Variants in MEIKIN observed in about 807,000 individuals in gnomAD.
The protein encoded by MEIKIN is meiotic kinetochore factor.
At chr5:131,825,821 G>A (rs960788012) in intron 11 of MEIKIN, among the ~76,000 whole-genome samples, 1 of 152,194 alleles carries the variant, frequency 6.6e-6, no homozygotes, top group African/African-American at 2.4e-5. Context: ...CAAGCCTGCT[G>A]AGTTAACCCT....
intron 11 of MEIKIN, among the ~76,000 whole-genome samples, chr5:131,835,261 G>GA (rs1324448396): frequency 6.7e-6 from 1 of 149,152 alleles, no homozygotes; most frequent in East Asian, 1.9e-4. Flanking sequence ...TATGATATAT[G>GA]ATATCAACTC....
At chr5:131,844,741 C>T (rs1055258836) in intron 11 of MEIKIN, among the ~76,000 whole-genome samples, 1 of 152,158 alleles carries the variant, frequency 6.6e-6, no homozygotes, top group Admixed American at 6.5e-5. Context: ...GAAGATTTAA[C>T]AAGCAAGAAC....
In MEIKIN at chr5:131,932,480, C is replaced by G. The variant is rs77832261; in HGVS notation, c.478+1033G>C. Among the ~76,000 whole-genome samples the G allele has an allele frequency of 4.7e-3, 717 of 152,182 alleles. 8 individuals carry two copies. Among genetic ancestry groups the G allele is most frequent in the African/African-American group, 0.016 (681 of 41,528 alleles). On this transcript the variant is annotated intron_variant, in intron 5 of 12. Coordinates refer to ENST00000442687, the MANE Select transcript of MEIKIN (RefSeq NM_001303622.2). ...ATTAGGGTCCATTCTCATGATAATG[C>G]CAAAAGTGCAAGAAGACAAGCTCAA...
chr5:131,809,066 C>CAAAA (rs143268923), intron 12 of MEIKIN, among the ~76,000 whole-genome samples: 3 of 151,650 alleles, frequency 2.0e-5, no homozygotes, highest in African/African-American at 7.3e-5. Context: ...CTGTCTCAAA[C>CAAAA]AAACAAAAAC....
chr5:131,823,387 CTTT>C (rs1464640596), intron 11 of MEIKIN, among the ~76,000 whole-genome samples: 5 of 151,338 alleles, frequency 3.3e-5, no homozygotes, highest in African/African-American at 1.2e-4. Context: ...ATTCTTTCTT[CTTT>C]TGTCTCCTCT....
chr5:131,892,648 C>T (rs1223610623), intron 8 of MEIKIN, among the ~76,000 whole-genome samples: 1 of 152,146 alleles, frequency 6.6e-6, no homozygotes, highest in Non-Finnish European at 1.5e-5. Context: ...AATATCTTTG[C>T]TATTGGTTCG....
In MEIKIN at chr5:131,835,872, C is replaced by T. The variant is rs527998244; in HGVS notation, c.975+15392G>A. ...CCTCCCAAAGTGCTGGGATTATAGGCGTGAGCCACCATGCCCAGCCATGTC... is the reference window on the plus strand; with the variant it reads ...CCTCCCAAAGTGCTGGGATTATAGGTGTGAGCCACCATGCCCAGCCATGTC... On this transcript the variant is annotated intron_variant, in intron 11 of 12. Coordinates refer to ENST00000442687, the MANE Select transcript of MEIKIN (RefSeq NM_001303622.2). 5.3e-5 allele frequency among the ~76,000 whole-genome samples: 8 copies of T among 152,276 alleles called. No homozygotes were observed. In the East Asian group the frequency reaches 7.7e-4, roughly 15 times the overall value.
chr5:131,940,874 AC>A (rs1426613718), intron 4 of MEIKIN, among the ~76,000 whole-genome samples: 11 of 152,100 alleles, frequency 7.2e-5, no homozygotes, highest in Middle Eastern at 3.2e-3. Context: ...TACATCTTTT[AC>A]TTTTTTCTTC....
At chr5:131,818,136 A>G (rs900022480) in intron 12 of MEIKIN, among the ~76,000 whole-genome samples, 1 of 152,222 alleles carries the variant, frequency 6.6e-6, no homozygotes, top group Non-Finnish European at 1.5e-5. Context: ...AACAGTACAC[A>G]TCTATTATAA....
chr5:131,857,546 G>A (rs1037643308), intron 9 of MEIKIN, among the ~76,000 whole-genome samples: 24 of 152,132 alleles, frequency 1.6e-4, no homozygotes, highest in Non-Finnish European at 3.4e-4. Flanking sequence ...TGGCATGCCC[G>A]CTTGTGGCAC....
In MEIKIN at chr5:131,825,943, C is replaced by T. The variant is rs766067533; in HGVS notation, c.976-7080G>A. On this transcript the variant is annotated intron_variant, in intron 11 of 12. Transcript: ENST00000442687. ...CCATCAAAGAGCAGAGAGAAAATGA[C>T]TGTCAACTTAGAAATGTGTACCAAG... Among the ~76,000 whole-genome samples, 28 of 152,288 alleles carry T rather than the reference C, an allele frequency of 1.8e-4. No homozygotes were observed. In the East Asian group the frequency reaches 3.9e-3, roughly 21 times the overall value.
At chr5:131,817,873 T>C (rs946784341) in intron 12 of MEIKIN, among the ~76,000 whole-genome samples, 6 of 152,206 alleles carry the variant, frequency 3.9e-5, no homozygotes, top group African/African-American at 1.4e-4. Flanking sequence ...AATTGCTTCA[T>C]TGGCTATTTA....
chr5:131,828,454 G>C (rs959227180), intron 11 of MEIKIN, among the ~76,000 whole-genome samples: 2 of 152,066 alleles, frequency 1.3e-5, no homozygotes, highest in African/African-American at 2.4e-5. Flanking sequence ...GTGAGCCACT[G>C]TGCCTGGCCT....
At chr5:131,923,985 T>C (rs1406663500) in intron 5 of MEIKIN, among the ~76,000 whole-genome samples, 5 of 152,106 alleles carry the variant, frequency 3.3e-5, no homozygotes. Context: ...AACTCCCAAT[T>C]TTCCTTTCCT....
At chr5:131,818,046 T>C (rs533722352) in intron 12 of MEIKIN, among the ~76,000 whole-genome samples, 2 of 152,348 alleles carry the variant, frequency 1.3e-5, no homozygotes, top group South Asian at 2.1e-4. Flanking sequence ...TGAATTCCTC[T>C]CTACCACTTG....
intron 11 of MEIKIN, among the ~76,000 whole-genome samples, chr5:131,830,160 T>G (rs1242222658): frequency 6.6e-6 from 1 of 152,052 alleles, no homozygotes; most frequent in Non-Finnish European, 1.5e-5. Context: ...GAGGCTGAGG[T>G]GAGCAGATCG....
intron 8 of MEIKIN, among the ~76,000 whole-genome samples, chr5:131,903,028 G>T (rs1040194963): frequency 6.6e-6 from 1 of 152,146 alleles, no homozygotes; most frequent in Non-Finnish European, 1.5e-5. Flanking sequence ...ATTAAGAGTA[G>T]AATTGACCAT....
chr5:131,808,983 A>G (rs1772900435), intron 12 of MEIKIN, among the ~76,000 whole-genome samples: 1 of 152,154 alleles, frequency 6.6e-6, no homozygotes, highest in Admixed American at 6.5e-5. Context: ...GAATCGCTGG[A>G]GCCTGGAAGG....
At chr5:131,898,516 T>C (rs1751093830) in intron 8 of MEIKIN, among the ~76,000 whole-genome samples, 1 of 152,240 alleles carries the variant, frequency 6.6e-6, no homozygotes, top group Non-Finnish European at 1.5e-5. Context: ...TGTTCAGCTA[T>C]GCCCTGCCCA....
Sources: allele counts gnomAD v4.1 joint callset (sites outside exome capture counted in the v4.1 genomes callset), GRCh38; gene constraint gnomAD v4.1.1; transcripts MANE v1.5; gene names NCBI Gene and HGNC (gene_info 2026-07-23, HGNC 2026-07-21).